ZSWIM5: variants seen among roughly 807,000 people sequenced by gnomAD.
ZSWIM5 encodes the protein zinc finger SWIM domain-containing protein 5.
In ZSWIM5, 55 loss-of-function variants were observed where a neutral mutation model predicts 119.6. That is an observed-to-expected ratio of 0.46 (90% CI 0.37 to 0.58). The LOEUF is 0.58. Ranked by LOEUF, ZSWIM5 falls within the 20% of genes least tolerant of loss-of-function variation. The probability of loss-of-function intolerance (pLI) is 0.00; values close to 1 mark genes in which losing one functional copy is unlikely to be tolerated. For missense variants in ZSWIM5, 1,193 were observed against 1,512.8 expected (o/e 0.79, Z 3.51); for synonymous variants, 537 against 606.9 (o/e 0.88, Z 1.69).
intron 4 of ZSWIM5, 151 bp from the exon 5 acceptor site, chr1:45,051,404 G>T: frequency 1.3e-6 from 1 of 798,224 alleles, no homozygotes; most frequent in Non-Finnish European, 1.9e-6. Flanking sequence ...TTCAGAACTG[G>T]CTTGTTTTTC....
At chr1:45,058,890 G>C (rs908179646) in intron 3 of ZSWIM5, 131 bp from the exon 4 acceptor site, 46 of 1,026,962 alleles carry the variant, frequency 4.5e-5, no homozygotes, top group Non-Finnish European at 6.4e-5. Context: ...CAGAAAGAAG[G>C]CCTCTTGTTC....
intron 5 of ZSWIM5, among the ~76,000 whole-genome samples, chr1:45,049,527 T>C (rs1270640958): frequency 6.6e-6 from 1 of 151,500 alleles, no homozygotes; most frequent in Non-Finnish European, 1.5e-5. Flanking sequence ...AGGAAGAAAC[T>C]GCCAGACCAG....
At chr1:45,103,314 T>C (rs1472934720) in intron 1 of ZSWIM5, among the ~76,000 whole-genome samples, 1 of 152,228 alleles carries the variant, frequency 6.6e-6, no homozygotes, top group Non-Finnish European at 1.5e-5. Flanking sequence ...GTGCTTCCCA[T>C]GTATTAACTA....
At chr1:45,196,585 T>G (rs1646127250) in intron 1 of ZSWIM5, among the ~76,000 whole-genome samples, 1 of 149,918 alleles carries the variant, frequency 6.7e-6, no homozygotes, top group Non-Finnish European at 1.5e-5. Context: ...AGAGGCGGGA[T>G]TTCACCATGT....
chr1:45,121,024 A>G (rs1645588290), intron 1 of ZSWIM5, among the ~76,000 whole-genome samples: 1 of 150,918 alleles, frequency 6.6e-6, no homozygotes, highest in African/African-American at 2.4e-5. Context: ...ATCTCGGCTC[A>G]CTGCAAGCTC....
chr1:45,086,062 C>T (rs1208313565), intron 2 of ZSWIM5, among the ~76,000 whole-genome samples: 1 of 152,122 alleles, frequency 6.6e-6, no homozygotes, highest in East Asian at 1.9e-4. Flanking sequence ...GCAGGCTGTA[C>T]AGGAAGCATG....
In ZSWIM5 at chr1:45,060,143, C is replaced by T. The variant is rs189349232; in HGVS notation, c.1057G>A (p.Gly353Ser). 1,323 of 1,614,130 alleles carry T rather than the reference C, an allele frequency of 8.2e-4. 4 individuals are homozygous for T. Among genetic ancestry groups the T allele is most frequent in the Admixed American group, 1.7e-3 (101 of 60,024 alleles). Reference sequence around the variant, plus strand: ...AGTTGCTTTCCAGAGCCACAGTAACCGCCCTGGGAGAGAAAAAGCTTCACT... The same window carrying T: ...AGTTGCTTTCCAGAGCCACAGTAACTGCCCTGGGAGAGAAAAAGCTTCACT... Reference protein sequence around the residue: ...EQVKLFLSQGGYCGSGKQLNS... With the variant: ...EQVKLFLSQGSYCGSGKQLNS... Residue 353 changes from glycine (G) to serine (S), a missense_variant, in exon 3 of 14, where the codon GGT (glycine) becomes AGT (serine). Physicochemically the swap from Gly to Ser is moderately conservative, Grantham distance 56. Coordinates refer to ENST00000359600, the MANE Select transcript of ZSWIM5 (RefSeq NM_020883.2).
chr1:45,138,497 C>A (rs1240660745), intron 1 of ZSWIM5, among the ~76,000 whole-genome samples: 3 of 136,540 alleles, frequency 2.2e-5, no homozygotes, highest in Non-Finnish European at 4.7e-5. Context: ...AAGAGTGAAA[C>A]TCCATCTCAA....
At chr1:45,052,145 C>T (rs1171738053) in intron 4 of ZSWIM5, among the ~76,000 whole-genome samples, 1 of 151,840 alleles carries the variant, frequency 6.6e-6, no homozygotes, top group Non-Finnish European at 1.5e-5. Context: ...ACCCCACCCC[C>T]AACCCTAGTA....
At chr1:45,024,714 G>C (rs1050049426) in intron 11 of ZSWIM5, among the ~76,000 whole-genome samples, 1 of 151,730 alleles carries the variant, frequency 6.6e-6, no homozygotes, top group African/African-American at 2.4e-5. Flanking sequence ...GAGTGCAATG[G>C]TGCGATCTTG....
chr1:45,063,009 TCC>T (rs1315879837), intron 2 of ZSWIM5, among the ~76,000 whole-genome samples: 1 of 152,148 alleles, frequency 6.6e-6, no homozygotes, highest in Non-Finnish European at 1.5e-5. Context: ...GTGTCTACTG[TCC>T]CCATCTTTAT....
At chr1:45,196,045 T>TG (rs1490489674) in intron 1 of ZSWIM5, among the ~76,000 whole-genome samples, 3 of 145,620 alleles carry the variant, frequency 2.1e-5, no homozygotes, top group Non-Finnish European at 3.0e-5. Flanking sequence ...TTTTTTTTTT[T>TG]TTTTTTTTTT....
intron 1 of ZSWIM5, among the ~76,000 whole-genome samples, chr1:45,200,715 TTAAA>T (rs1346697289): frequency 5.9e-5 from 9 of 152,186 alleles, no homozygotes; most frequent in Admixed American, 3.3e-4. Context: ...TGTATTAAGA[TTAAA>T]TAATCATGCA....
chr1:45,159,329 C>T (rs533265708), intron 1 of ZSWIM5, among the ~76,000 whole-genome samples: 1 of 152,134 alleles, frequency 6.6e-6, no homozygotes, highest in South Asian at 2.1e-4. Flanking sequence ...CTTAACTAGT[C>T]AAGTTAATTA....
intron 8 of ZSWIM5, 55 bp from the exon 9 acceptor site, chr1:45,036,354 CTTTTTTTTT>C: frequency 7.7e-7 from 1 of 1,293,742 alleles, no homozygotes; most frequent in Non-Finnish European, 1.0e-6. Flanking sequence ...AGTCTTCTTT[CTTTTTTTTT>C]TTTTTTTTTG....
chr1:45,096,019 C>T (rs144430924), intron 1 of ZSWIM5, among the ~76,000 whole-genome samples: 102 of 152,236 alleles, frequency 6.7e-4, no homozygotes, highest in African/African-American at 2.2e-3. Flanking sequence ...TTATAAAAGA[C>T]GTTTTCCCAA....
chr1:45,084,651 A>G (rs1645314059), intron 2 of ZSWIM5, among the ~76,000 whole-genome samples: 1 of 152,254 alleles, frequency 6.6e-6, no homozygotes. Flanking sequence ...GAGGGCCTAC[A>G]GGCCCCAACC....
chr1:45,132,071 T>C (rs1195974301), intron 1 of ZSWIM5, among the ~76,000 whole-genome samples: 2 of 149,450 alleles, frequency 1.3e-5, no homozygotes, highest in East Asian at 1.9e-4. Context: ...TAATAAATTA[T>C]ATAATAATAT....
At chr1:45,196,034 G>GTTTTTTTTTTTTTTTTTT (rs34236930) in intron 1 of ZSWIM5, among the ~76,000 whole-genome samples, 1 of 103,910 alleles carries the variant, frequency 9.6e-6, no homozygotes, top group Non-Finnish European at 2.0e-5. Flanking sequence ...CACCCAGCTA[G>GTTTTTTTTTTTTTTTTTT]TTTTTTTTTT....
Sources: gnomAD v4.1 joint callset for allele counts (sites outside exome capture counted in the v4.1 genomes callset) on GRCh38, gnomAD v4.1.1 for gene constraint, MANE v1.5 for transcripts, NCBI Gene and HGNC (gene_info 2026-07-23, HGNC 2026-07-21) for gene names.